GPHN: variants seen among roughly 807,000 people sequenced by gnomAD.
GPHN encodes gephyrin.
Under a neutral mutation model 95.5 loss-of-function variants are expected in GPHN, and 17 were observed. That is an observed-to-expected ratio of 0.18 (90% confidence interval 0.12 to 0.27). The LOEUF (loss-of-function observed/expected upper bound fraction) is 0.27, where lower values mean the gene tolerates loss of function less well. GPHN is among the 10% of genes least tolerant of loss of function. The pLI is 1.00. For missense variants in GPHN, 660 were observed against 978.1 expected (o/e 0.67, Z 4.34); for synonymous variants, 320 against 322.5 (o/e 0.99, Z 0.08).
At chr14:66,883,979 G>C (rs1225755713) in intron 5 of GPHN, among the ~76,000 whole-genome samples, 1 of 151,866 alleles carries the variant, frequency 6.6e-6, no homozygotes, top group Non-Finnish European at 1.5e-5. Flanking sequence ...AGCTTCCAGG[G>C]GACCCCATTC....
At chr14:66,544,805 G>T (rs1393473414) in intron 1 of GPHN, among the ~76,000 whole-genome samples, 1 of 151,806 alleles carries the variant, frequency 6.6e-6, no homozygotes, top group East Asian at 1.9e-4. Flanking sequence ...GGAGCATGCT[G>T]CCTTCAAGCA....
chr14:67,302,597 A>C, the GPHN span: 2 of 1,427,502 alleles, frequency 1.4e-6, no homozygotes, highest in Non-Finnish European at 1.8e-6. Flanking sequence ...TAGAAGAATA[A>C]TTGATAGCTT....
the GPHN span, among the ~76,000 whole-genome samples, chr14:67,405,591 G>A: frequency 2.0e-5 from 3 of 152,170 alleles, no homozygotes; most frequent in African/African-American, 7.2e-5. Flanking sequence ...TTTTACTAGG[G>A]TTGGTCTGTA....
At chr14:66,845,471 A>G (rs1257903222) in intron 4 of GPHN, among the ~76,000 whole-genome samples, 1 of 152,180 alleles carries the variant, frequency 6.6e-6, no homozygotes, top group Admixed American at 6.5e-5. Flanking sequence ...ATTGTAAGAA[A>G]ACAAAAATGA....
the GPHN span, among the ~76,000 whole-genome samples, chr14:67,596,295 A>ATTTAT: frequency 3.3e-5 from 2 of 60,230 alleles, no homozygotes; most frequent in African/African-American, 1.4e-4. Flanking sequence ...CGCCCAGCTA[A>ATTTAT]TTTTTTTTTT....
intron 1 of GPHN, among the ~76,000 whole-genome samples, chr14:66,568,897 C>G (rs2060564437): frequency 1.3e-5 from 2 of 152,028 alleles, no homozygotes; most frequent in Non-Finnish European, 2.9e-5. Flanking sequence ...TCCATCATTT[C>G]TTAAGTTCAT....
chr14:67,266,809 TA>T, the GPHN span, among the ~76,000 whole-genome samples: 1 of 152,050 alleles, frequency 6.6e-6, no homozygotes, highest in African/African-American at 2.4e-5. Context: ...AGTTATCTTT[TA>T]AAAAAACTTC....
At chr14:66,838,931 G>A (rs146620686) in intron 4 of GPHN, among the ~76,000 whole-genome samples, 1 of 152,130 alleles carries the variant, frequency 6.6e-6, no homozygotes. Flanking sequence ...GCCATAAAAG[G>A]CATCTGATAG....
At chr14:67,625,896 C>T in the GPHN span, among the ~76,000 whole-genome samples, 4 of 152,004 alleles carry the variant, frequency 2.6e-5, no homozygotes, top group African/African-American at 9.7e-5. Context: ...TTTAATTAGC[C>T]ACTTCTCCAA....
At chr14:67,144,265 A>G (rs1210438432) in intron 18 of GPHN, among the ~76,000 whole-genome samples, 8 of 96,276 alleles carry the variant, frequency 8.3e-5, no homozygotes, top group African/African-American at 3.6e-4. Flanking sequence ...ATATATATAT[A>G]TATATATATA....
At chr14:67,403,077 G>T in the GPHN span, among the ~76,000 whole-genome samples, 1 of 152,126 alleles carries the variant, frequency 6.6e-6, no homozygotes, top group Non-Finnish European at 1.5e-5. Context: ...ATCCTCACCA[G>T]AATTTGTATT....
the GPHN span, among the ~76,000 whole-genome samples, chr14:67,235,532 G>C: frequency 6.6e-6 from 1 of 152,028 alleles, no homozygotes; most frequent in East Asian, 1.9e-4. Flanking sequence ...TGGCTAACAC[G>C]GTGAAACCCT....
the GPHN span, among the ~76,000 whole-genome samples, chr14:67,631,378 C>T: frequency 2.0e-5 from 3 of 151,650 alleles, no homozygotes; most frequent in Admixed American, 6.6e-5. Flanking sequence ...GAAACCAACA[C>T]TATTCTCTCT....
At chr14:67,329,833 CAAAAATAAATAA>C in the GPHN span, among the ~76,000 whole-genome samples, 1 of 140,178 alleles carries the variant, frequency 7.1e-6, no homozygotes. Context: ...GACTTGGTCT[CAAAAATAAATAA>C]ATAAATAAAT....
At chr14:66,904,482 G>A (rs1011732995) in intron 5 of GPHN, among the ~76,000 whole-genome samples, 1 of 152,152 alleles carries the variant, frequency 6.6e-6, no homozygotes, top group African/African-American at 2.4e-5. Flanking sequence ...CTAGCTAGCT[G>A]TAGAGCACTG....
intron 3 of GPHN, among the ~76,000 whole-genome samples, chr14:66,797,935 A>C (rs1184888643): frequency 6.6e-6 from 1 of 151,910 alleles, no homozygotes. Flanking sequence ...GTTTTTCCCC[A>C]TTCATTATGA....
the GPHN span, among the ~76,000 whole-genome samples, chr14:67,687,358 C>T: frequency 6.6e-6 from 1 of 152,120 alleles, no homozygotes; most frequent in Admixed American, 6.6e-5. Context: ...CTTTATTACT[C>T]TTGCTTTCTA....
At chr14:67,572,284 C>G in the GPHN span, 1 of 1,584,042 alleles carries the variant, frequency 6.3e-7, no homozygotes, top group Non-Finnish European at 8.6e-7. Flanking sequence ...CGGGGTGAGC[C>G]GGGAAACGGG....
the GPHN span, chr14:67,650,875 C>T: frequency 2.5e-6 from 4 of 1,614,156 alleles, no homozygotes; most frequent in Non-Finnish European, 2.5e-6. Flanking sequence ...TTCCTACTCC[C>T]AGTTCACCAG....
Sources: allele counts gnomAD v4.1 joint callset (sites outside exome capture counted in the v4.1 genomes callset), GRCh38; gene constraint gnomAD v4.1.1; transcripts MANE v1.5; gene names NCBI Gene and HGNC (gene_info 2026-07-23, HGNC 2026-07-21).